Variants in GMCL1 observed in about 807,000 individuals in gnomAD.
GMCL1 encodes germ cell-less 1, spermatogenesis associated.
GMCL1 carries 54 observed loss-of-function variants against 75.5 expected under a neutral mutation model. That is an observed-to-expected ratio of 0.71 (90% CI 0.57 to 0.90). The LOEUF is 0.90. GMCL1 is among the 40% of genes least tolerant of loss of function. The pLI is 0.00. For synonymous variants in GMCL1, 210 were observed against 209.6 expected (o/e 1.00, Z -0.02); for missense variants, 537 against 622.7 (o/e 0.86, Z 1.47).
intron 2 of GMCL1, among the ~76,000 whole-genome samples, chr2:69,839,205 T>C (rs1276304006): frequency 6.6e-6 from 1 of 152,244 alleles, no homozygotes; most frequent in Non-Finnish European, 1.5e-5. Context: ...TCAATTTAGA[T>C]AGTAATATAA....
At chr2:69,842,033 C>T (rs1393824046) in intron 4 of GMCL1, among the ~76,000 whole-genome samples, 3 of 152,064 alleles carry the variant, frequency 2.0e-5, no homozygotes, top group South Asian at 2.1e-4. Context: ...AGGGGAAAGA[C>T]GAAGTTATGT....
At chr2:69,836,444 T>G (rs909611904) in intron 1 of GMCL1, among the ~76,000 whole-genome samples, 1 of 152,106 alleles carries the variant, frequency 6.6e-6, no homozygotes, top group African/African-American at 2.4e-5. Flanking sequence ...TCATAACGAG[T>G]GAAGTGGATA....
At chr2:69,842,121 G>A (rs947051310) in intron 4 of GMCL1, among the ~76,000 whole-genome samples, 1 of 152,174 alleles carries the variant, frequency 6.6e-6, no homozygotes, top group African/African-American at 2.4e-5. Context: ...ACAAAAACTT[G>A]TTGCATTCGT....
At chr2:69,867,331 C>G (rs1008061173) in intron 11 of GMCL1, among the ~76,000 whole-genome samples, 3 of 152,108 alleles carry the variant, frequency 2.0e-5, no homozygotes, top group Non-Finnish European at 2.9e-5. Flanking sequence ...CCCCCATGCT[C>G]TTGTGCTCCA....
rs150964530 is a variant in GMCL1 at position 69,859,060 on chromosome 2, C to T, written c.1073-2218C>T. ...ACTCGGGAGGCTGAGGCAGAGGAAT[C>T]GCTTGAACCTGGGAGGTGGAGGTTG... is the stretch of plus-strand genomic sequence containing the variant. On this transcript the variant is annotated intron_variant, in intron 9 of 13. Transcript: ENST00000282570. 1.7e-3 allele frequency among the ~76,000 whole-genome samples: 261 copies of T among 149,992 alleles called. 2 individuals carry two copies. Among genetic ancestry groups the T allele is most frequent in the African/African-American group, 5.8e-3 (238 of 40,736 alleles).
At chr2:69,877,539 T>G (rs1295608263) in intron 13 of GMCL1, among the ~76,000 whole-genome samples, 1 of 152,242 alleles carries the variant, frequency 6.6e-6, no homozygotes, top group African/African-American at 2.4e-5. Context: ...ATATAAATTT[T>G]GACTAGTTCA....
chr2:69,849,605 T>C, intron 7 of GMCL1, 47 bp from the exon 8 acceptor site: 1 of 1,212,358 alleles, frequency 8.2e-7, no homozygotes, highest in Admixed American at 2.3e-5. Context: ...AATCATAAAA[T>C]GATGAAATTT....
chr2:69,843,374 AG>A (rs1366360204), intron 5 of GMCL1, 113 bp downstream of exon 5: 3 of 577,274 alleles, frequency 5.2e-6, no homozygotes, highest in Non-Finnish European at 9.3e-6. Flanking sequence ...AAAATAGGAT[AG>A]GGGGATGGAA....
chr2:69,837,735 A>T, intron 2 of GMCL1, 65 bp downstream of exon 2: 2 of 1,517,614 alleles, frequency 1.3e-6, no homozygotes, highest in Non-Finnish European at 1.8e-6. Flanking sequence ...GTTCTTCCTC[A>T]TTGCACTTCA....
intron 6 of GMCL1, among the ~76,000 whole-genome samples, chr2:69,845,797 C>T (rs1474726157): frequency 6.6e-6 from 1 of 152,132 alleles, no homozygotes; most frequent in Non-Finnish European, 1.5e-5. Context: ...CTTTTGAAGG[C>T]TGGTTGGCAT....
intron 1 of GMCL1, among the ~76,000 whole-genome samples, chr2:69,831,390 A>C (rs1674666591): frequency 6.6e-6 from 1 of 152,132 alleles, no homozygotes; most frequent in African/African-American, 2.4e-5. Context: ...CCCTACTGTG[A>C]ATACTATTCA....
intron 9 of GMCL1, among the ~76,000 whole-genome samples, chr2:69,858,369 G>A (rs533960990): frequency 2.3e-4 from 35 of 152,232 alleles, no homozygotes; most frequent in African/African-American, 7.0e-4. Flanking sequence ...AAATAAGTGC[G>A]GAAACATATT....
intron 9 of GMCL1, among the ~76,000 whole-genome samples, chr2:69,859,222 T>A (rs1285129608): frequency 1.3e-5 from 2 of 151,850 alleles, no homozygotes; most frequent in African/African-American, 4.8e-5. Context: ...GTCTGACTCT[T>A]TCATTCCAAT....
At chr2:69,853,468 T>A (rs1351063698) in intron 8 of GMCL1, among the ~76,000 whole-genome samples, 1 of 152,140 alleles carries the variant, frequency 6.6e-6, no homozygotes, top group Non-Finnish European at 1.5e-5. Context: ...AAAAAAATAT[T>A]TTAGTGGGGA....
intron 10 of GMCL1, among the ~76,000 whole-genome samples, chr2:69,864,197 GT>G (rs1228891934): frequency 6.6e-6 from 1 of 151,678 alleles, no homozygotes; most frequent in East Asian, 1.9e-4. Flanking sequence ...TTTATTTATT[GT>G]ATTTGTTTCA....
chr2:69,858,638 T>C (rs188568758), intron 9 of GMCL1, among the ~76,000 whole-genome samples: 94 of 152,318 alleles, frequency 6.2e-4, no homozygotes, highest in Middle Eastern at 3.4e-3. Context: ...GCATTTGAAC[T>C]TGTGTTACAT....
At chr2:69,869,961 T>C in intron 12 of GMCL1, 97 bp downstream of exon 12, 2 of 1,233,880 alleles carry the variant, frequency 1.6e-6, no homozygotes, top group Non-Finnish European at 2.3e-6. Flanking sequence ...AGAACTTTGG[T>C]AAGCTACAGT....
At chr2:69,860,983 C>A (rs1675623316) in intron 9 of GMCL1, among the ~76,000 whole-genome samples, 2 of 152,162 alleles carry the variant, frequency 1.3e-5, no homozygotes, top group Non-Finnish European at 1.5e-5. Context: ...GTTGGGATTA[C>A]AGGCGCCCAC....
chr2:69,867,714 C>T (rs1176804066), intron 11 of GMCL1, among the ~76,000 whole-genome samples: 1 of 152,176 alleles, frequency 6.6e-6, no homozygotes, highest in Non-Finnish European at 1.5e-5. Flanking sequence ...CACTCCATGC[C>T]TGCATCCAGA....
Sources: allele counts gnomAD v4.1 joint callset (sites outside exome capture counted in the v4.1 genomes callset), GRCh38; gene constraint gnomAD v4.1.1; transcripts MANE v1.5; gene names NCBI Gene and HGNC (gene_info 2026-07-23, HGNC 2026-07-21).